Variants in ELMOD1 observed in about 807,000 individuals in gnomAD.
ELMOD1 encodes the protein ELMO domain containing 1, also known as ELMO domain-containing protein 1.
A neutral mutation model predicts 46.7 loss-of-function variants in ELMOD1; 21 were observed. The observed-to-expected ratio is 0.45, with a 90% confidence interval of 0.32 to 0.65. The LOEUF (loss-of-function observed/expected upper bound fraction) is 0.65, where lower values mean the gene tolerates loss of function less well. Among genes scored for constraint, ELMOD1 ranks in the 30% least tolerant of loss-of-function variants. The probability of loss-of-function intolerance (pLI) is 0.04; values close to 1 mark genes in which losing one functional copy is unlikely to be tolerated. For missense variants in ELMOD1, 348 were observed against 407.8 expected (o/e 0.85, Z 1.26); for synonymous variants, 122 against 138.2 (o/e 0.88, Z 0.82).
intron 2 of ELMOD1, among the ~76,000 whole-genome samples, chr11:107,628,684 A>G (rs1033557702): frequency 2.6e-5 from 4 of 151,642 alleles, no homozygotes; most frequent in Non-Finnish European, 4.4e-5. Context: ...CTTTGTACTG[A>G]CTATACATGG....
chr11:107,593,913 A>G (rs115823952), intron 1 of ELMOD1, among the ~76,000 whole-genome samples: 2,053 of 152,288 alleles, frequency 0.013, 54 homozygotes, highest in African/African-American at 0.047. Context: ...TCTGCAGACA[A>G]TCTGGGACAA....
In ELMOD1 at chr11:107,666,553, A is replaced by G. The variant is rs548670424; in HGVS notation, c.*1356A>G. 1 of 152,786 alleles carries G rather than the reference A, an allele frequency of 6.5e-6. No homozygotes were observed. Among genetic ancestry groups the G allele is most frequent in the African/African-American group, 2.4e-5 (1 of 41,580 alleles). 9.5% of individuals were successfully genotyped at this position (152,786 alleles called of 1,614,324 possible). A position where few individuals can be genotyped will look rare whatever the true frequency, so the allele number is the denominator to read the frequency against. ...AAGGGAAAAGTCAAATTGTTCCAGA[A>G]CTGCTAAAAATCATTTTAAAAACCA... On this transcript the variant is annotated 3_prime_UTR_variant, in exon 12 of 12. Transcript: ENST00000265840.
At chr11:107,663,160 T>G (rs1303712780) in intron 11 of ELMOD1, among the ~76,000 whole-genome samples, 1 of 152,136 alleles carries the variant, frequency 6.6e-6, no homozygotes, top group Non-Finnish European at 1.5e-5. Flanking sequence ...AGGAGATGGC[T>G]TCTGGGGTGA....
chr11:107,602,007 C>T (rs670446), intron 1 of ELMOD1, among the ~76,000 whole-genome samples: 33,216 of 152,034 alleles, frequency 0.22, 5,735 homozygotes, highest in African/African-American at 0.48. Flanking sequence ...CTCTCCATCT[C>T]CATTTTGGTG....
chr11:107,659,303 C>T (rs1238417053), intron 11 of ELMOD1, among the ~76,000 whole-genome samples: 1 of 152,080 alleles, frequency 6.6e-6, no homozygotes, highest in Non-Finnish European at 1.5e-5. Context: ...TTACCATGCT[C>T]ATTAGAGAAA....
At chr11:107,642,279 G>T (rs1304715702) in intron 6 of ELMOD1, among the ~76,000 whole-genome samples, 1 of 151,822 alleles carries the variant, frequency 6.6e-6, no homozygotes, top group Non-Finnish European at 1.5e-5. Flanking sequence ...TGTCTGATGA[G>T]GATTATAATC....
At chr11:107,608,702 G>A (rs1865728483) in intron 1 of ELMOD1, among the ~76,000 whole-genome samples, 1 of 152,076 alleles carries the variant, frequency 6.6e-6, no homozygotes, top group Non-Finnish European at 1.5e-5. Flanking sequence ...AAATTTTCTG[G>A]TTTAGAAACT....
Position 107,631,604 on chromosome 11 carries a change from C to A in ELMOD1, c.217C>A (p.His73Asn), listed in dbSNP as rs866269187. Residue 73 changes from histidine (H) to asparagine (N), a missense_variant, in exon 5 of 12, where the codon CAC becomes AAC. His to Asn is a moderately conservative substitution (Grantham distance 68). Transcript: ENST00000265840. ...GCTGTTGCAGACTTCTGTGAGTGTT[C>A]ACCCCGACGCTATTGAAAAAACTAT... Reference protein sequence around the residue: ...SKLLQTSVSVHPDAIEKTIED... With the variant: ...SKLLQTSVSVNPDAIEKTIED... The A allele has an allele frequency of 6.4e-7, 1 of 1,562,252 alleles. No homozygotes were observed. The highest frequency in any genetic ancestry group is 1.9e-5 in the Admixed American group (1 of 52,570).
intron 6 of ELMOD1, among the ~76,000 whole-genome samples, chr11:107,641,317 GTA>G (rs35650343): frequency 0.38 from 57,541 of 149,482 alleles, 11,057 homozygotes; most frequent in Non-Finnish European, 0.41. Flanking sequence ...AAAAAAATAA[GTA>G]TATATATATA....
chr11:107,612,976 A>G (rs1230888532), intron 1 of ELMOD1, among the ~76,000 whole-genome samples: 2 of 152,120 alleles, frequency 1.3e-5, no homozygotes, highest in Non-Finnish European at 2.9e-5. Flanking sequence ...GGGACAGACA[A>G]TTAGAACTAA....
intron 2 of ELMOD1, 54 bp downstream of exon 2, chr11:107,618,260 A>G: frequency 6.5e-7 from 1 of 1,540,376 alleles, no homozygotes; most frequent in Non-Finnish European, 8.8e-7. Flanking sequence ...AAACCTCCTC[A>G]CTGGTTAGGG....
Position 107,631,654 on chromosome 11 carries a change from AATT to A in ELMOD1, c.269_271del (p.Ile90del). On this transcript the variant is annotated inframe_deletion, in exon 5 of 12. Coordinates refer to ENST00000265840, the MANE Select transcript of ELMOD1 (RefSeq NM_018712.4). ...TAGAAGATATCATGGAACTGAAAAA[AATT>A]AATCCTGACGTAAATCCACAGTAAG... 1 of 1,550,468 alleles carries A rather than the reference AATT, an allele frequency of 6.4e-7. No individual in the cohort carries two copies. Among genetic ancestry groups the A allele is most frequent in the Non-Finnish European group, 8.7e-7 (1 of 1,144,606 alleles).
intron 6 of ELMOD1, among the ~76,000 whole-genome samples, chr11:107,638,754 C>T (rs559604609): frequency 3.9e-5 from 6 of 152,296 alleles, no homozygotes; most frequent in South Asian, 2.1e-4. Context: ...ATGGTGTTTA[C>T]GGCTGCTATG....
intron 6 of ELMOD1, among the ~76,000 whole-genome samples, chr11:107,637,131 C>T (rs954455844): frequency 7.2e-5 from 11 of 152,190 alleles, no homozygotes; most frequent in African/African-American, 2.7e-4. Context: ...ATCTCGAGAA[C>T]TTGTATATGA....
At position 107,639,429 on chromosome 11, in the gene ELMOD1, C is replaced by A. The variant is rs148212492; in HGVS notation, c.420+3664C>A. Among the ~76,000 whole-genome samples, 390 of 152,206 alleles carry A rather than the reference C, an allele frequency of 2.6e-3. 3 individuals are homozygous for A. The highest frequency in any genetic ancestry group is 8.9e-3 in the African/African-American group (370 of 41,522). ...CTATTAAAAGTATTCCAACCAAATT[C>A]ATAATGAAGACAAAATTCTAGGTGG... On this transcript the variant is annotated intron_variant, in intron 6 of 11. Coordinates refer to ENST00000265840, the MANE Select transcript of ELMOD1 (RefSeq NM_018712.4).
At chr11:107,642,667 A>G (rs1866347284) in intron 6 of ELMOD1, among the ~76,000 whole-genome samples, 1 of 152,166 alleles carries the variant, frequency 6.6e-6, no homozygotes, top group Non-Finnish European at 1.5e-5. Context: ...GCCCAGCAAT[A>G]CTAATCTTAT....
At chr11:107,592,585 T>C in intron 1 of ELMOD1, 1 of 273,848 alleles carries the variant, frequency 3.7e-6, no homozygotes, top group South Asian at 3.8e-5. Flanking sequence ...AGTCATTCCC[T>C]CCCCCAGAAG....
chr11:107,660,482 C>G (rs651147), intron 11 of ELMOD1, among the ~76,000 whole-genome samples: 119,187 of 152,160 alleles, frequency 0.78, 47,582 homozygotes, highest in African/African-American at 0.94. Context: ...AAAGTACAAA[C>G]GCCAGAAGGG....
intron 1 of ELMOD1, chr11:107,591,905 A>G (rs1233386980): frequency 2.0e-6 from 1 of 497,890 alleles, no homozygotes; most frequent in Non-Finnish European, 4.1e-6. Flanking sequence ...CCGCGCAGCG[A>G]GCTGGGAGGA....
Sources: allele counts gnomAD v4.1 joint callset (sites outside exome capture counted in the v4.1 genomes callset), GRCh38; gene constraint gnomAD v4.1.1; transcripts MANE v1.5; gene names NCBI Gene and HGNC (gene_info 2026-07-23, HGNC 2026-07-21).